ENTPD1: variants seen among roughly 807,000 people sequenced by gnomAD.
ENTPD1 encodes the protein ectonucleoside triphosphate diphosphohydrolase 1.
ENTPD1 carries 33 observed loss-of-function variants against 57.0 expected under a neutral mutation model. The observed-to-expected ratio is 0.58, with a 90% CI of 0.44 to 0.77. The LOEUF (loss-of-function observed/expected upper bound fraction) is 0.77. Ranked by LOEUF, ENTPD1 falls within the 30% of genes least tolerant of loss-of-function variation. The pLI, the probability that ENTPD1 is intolerant of heterozygous loss-of-function variation, is 0.00. For synonymous variants in ENTPD1, 202 were observed against 218.8 expected, an observed-to-expected ratio of 0.92 and a Z score of 0.68; for missense variants, 501 against 603.4, an observed-to-expected ratio of 0.83 and a Z score of 1.78.
At position 95,871,456 on chromosome 10, in the gene ENTPD1, T is replaced by C; in HGVS notation, c.*5073T>C. The stretch of plus-strand genomic sequence containing the variant: ...TGTCCTAGGAAACCATACATCTATG[T>C]ATTTTTCTTATTTTATACGTTTAGG... On this transcript the variant is annotated 3_prime_UTR_variant, in exon 10 of 10. Coordinates refer to ENST00000371205, the MANE Select transcript of ENTPD1 (RefSeq NM_001776.6). 1.0e-6 allele frequency: 1 copy of C among 985,456 alleles called. No homozygotes were observed. The allele number at this position is 985,456 out of a possible 1,614,324, so 61.0% of individuals were successfully genotyped here.
intron 1 of ENTPD1, among the ~76,000 whole-genome samples, chr10:95,717,978 G>A (rs2097973461): frequency 1.3e-5 from 2 of 152,278 alleles, no homozygotes; most frequent in South Asian, 4.1e-4. Flanking sequence ...AAACATACAG[G>A]GATTGAAATG....
At chr10:95,826,194 C>G (rs2098375675) in intron 2 of ENTPD1, among the ~76,000 whole-genome samples, 1 of 151,972 alleles carries the variant, frequency 6.6e-6, no homozygotes, top group Non-Finnish European at 1.5e-5. Flanking sequence ...GTTTTGGGGC[C>G]AGGCAAGTCT....
chr10:95,739,525 G>T (rs929318032), intron 1 of ENTPD1, among the ~76,000 whole-genome samples: 2 of 152,138 alleles, frequency 1.3e-5, no homozygotes, highest in African/African-American at 2.4e-5. Context: ...GTCCTCATCT[G>T]CTCCATTTGT....
rs949911430 is a variant in ENTPD1, at chr10:95,871,182, A to G, written c.*4799A>G. The stretch of plus-strand genomic sequence containing the variant: ...ATGGCAAAGTCATATGGCCAAGGCC[A>G]TGAGTGATTAATTTTAACACAGGAA... On this transcript the variant is annotated 3_prime_UTR_variant, in exon 10 of 10. Coordinates refer to ENST00000371205, the MANE Select transcript of ENTPD1 (RefSeq NM_001776.6). 1.0e-6 allele frequency: 1 copy of G among 985,396 alleles called. No homozygotes were observed. The highest frequency in any genetic ancestry group is 1.7e-5 in the African/African-American group (1 of 57,268). The allele number at this position is 985,396 out of a possible 1,614,324, so 61.0% of individuals were successfully genotyped here. A position where few individuals can be genotyped will look rare whatever the true frequency, so the allele number is the denominator to read the frequency against.
At chr10:95,835,715 A>T (rs1007396006) in intron 2 of ENTPD1, among the ~76,000 whole-genome samples, 7 of 152,102 alleles carry the variant, frequency 4.6e-5, no homozygotes, top group African/African-American at 1.7e-4. Context: ...TCAAAAGTGT[A>T]TTGGCCACTT....
chr10:95,790,564 T>A (rs529237335), intron 1 of ENTPD1, among the ~76,000 whole-genome samples: 19 of 152,334 alleles, frequency 1.2e-4, no homozygotes, highest in Non-Finnish European at 1.9e-4. Context: ...TAAACCACTG[T>A]ATACTTATTA....
Position 95,781,727 on chromosome 10 carries a change from C to T in ENTPD1, c.16+25472C>T, listed in dbSNP as rs181065486. Among the ~76,000 whole-genome samples the T allele has an allele frequency of 2.2e-3, 330 of 152,280 alleles. 1 individual carries two copies. Among genetic ancestry groups the T allele is most frequent in the African/African-American group, 7.5e-3 (311 of 41,558 alleles). On this transcript the variant is annotated intron_variant, in intron 1 of 9. Coordinates refer to ENST00000371205, the MANE Select transcript of ENTPD1 (RefSeq NM_001776.6). ...ACCTTGGTAGCCAGACCAAAGTTCA[C>T]GACTGTGTTATATACTCTGAAATGG...
At chr10:95,826,064 T>C (rs911370048) in intron 2 of ENTPD1, among the ~76,000 whole-genome samples, 1 of 152,230 alleles carries the variant, frequency 6.6e-6, no homozygotes, top group African/African-American at 2.4e-5. Context: ...TGTTAGGCAC[T>C]GGGCTACACA....
chr10:95,741,557 C>T (rs1013463152), intron 1 of ENTPD1, among the ~76,000 whole-genome samples: 11 of 152,272 alleles, frequency 7.2e-5, no homozygotes, highest in Admixed American at 6.5e-4. Flanking sequence ...AATGCAGGGT[C>T]GCTACAAACC....
chr10:95,808,599 G>T (rs983010514), intron 1 of ENTPD1, among the ~76,000 whole-genome samples: 1 of 152,134 alleles, frequency 6.6e-6, no homozygotes, highest in Non-Finnish European at 1.5e-5. Context: ...TCTTAGAGGA[G>T]GCATTCTTCA....
chr10:95,849,758 C>G (rs1211020800), intron 7 of ENTPD1, among the ~76,000 whole-genome samples: 1 of 152,230 alleles, frequency 6.6e-6, no homozygotes, highest in Non-Finnish European at 1.5e-5. Flanking sequence ...AACCCAAATT[C>G]AGAAGAAACT....
chr10:95,758,016 AAAAAAAAAAAAAAAG>A (rs1389044636), intron 1 of ENTPD1, among the ~76,000 whole-genome samples: 1 of 142,668 alleles, frequency 7.0e-6, no homozygotes, highest in Non-Finnish European at 1.5e-5. Context: ...AAAAAAAAAA[AAAAAAAAAAAAAAAG>A]ATTTGGACTG....
chr10:95,827,289 TAA>T (rs1242276049), intron 2 of ENTPD1, among the ~76,000 whole-genome samples: 1 of 151,756 alleles, frequency 6.6e-6, no homozygotes, highest in Non-Finnish European at 1.5e-5. Context: ...CCGTCTCTAC[TAA>T]AAATACAAAA....
chr10:95,801,750 G>A (rs560116695), intron 1 of ENTPD1, among the ~76,000 whole-genome samples: 26 of 152,058 alleles, frequency 1.7e-4, no homozygotes, highest in Non-Finnish European at 2.2e-4. Flanking sequence ...TATAGTTTGA[G>A]GTCAGATAGC....
At chr10:95,772,074 G>C (rs2098117615) in intron 1 of ENTPD1, among the ~76,000 whole-genome samples, 1 of 152,122 alleles carries the variant, frequency 6.6e-6, no homozygotes, top group Admixed American at 6.6e-5. Context: ...TTAAAAAAAT[G>C]CACCTTAATT....
chr10:95,743,670 A>G (rs1028506602), intron 1 of ENTPD1, among the ~76,000 whole-genome samples: 1 of 152,046 alleles, frequency 6.6e-6, no homozygotes, highest in Non-Finnish European at 1.5e-5. Flanking sequence ...ATCTTTGAAT[A>G]TGGTTCTATT....
chr10:95,707,688 TCCA>T (rs1401576881), upstream of ENTPD1, among the ~76,000 whole-genome samples: 1 of 152,204 alleles, frequency 6.6e-6, no homozygotes, highest in East Asian at 1.9e-4. Context: ...CACTGCAACC[TCCA>T]CTTCCTGCCT....
At chr10:95,804,002 C>T (rs1215102280) in intron 1 of ENTPD1, among the ~76,000 whole-genome samples, 1 of 152,158 alleles carries the variant, frequency 6.6e-6, no homozygotes, top group Admixed American at 6.5e-5. Flanking sequence ...TGTCAAAGAT[C>T]AGGTGATTGT....
At position 95,870,271 on chromosome 10, in the gene ENTPD1, T is replaced by C. The variant is rs2098478979; in HGVS notation, c.*3888T>C. 1 of 984,924 alleles carries C rather than the reference T, an allele frequency of 1.0e-6. No individual in the cohort carries two copies. The allele number at this position is 984,924 out of a possible 1,614,324, so 61.0% of individuals were successfully genotyped here. ...TTACATTCCATACTCAAAATGTAAA[T>C]TTGAATATTAAAATAAAGATGATTT... On this transcript the variant is annotated 3_prime_UTR_variant, in exon 10 of 10. Coordinates refer to ENST00000371205, the MANE Select transcript of ENTPD1 (RefSeq NM_001776.6).
Sources: allele counts gnomAD v4.1 joint callset (sites outside exome capture counted in the v4.1 genomes callset), GRCh38; gene constraint gnomAD v4.1.1; transcripts MANE v1.5; gene names NCBI Gene and HGNC (gene_info 2026-07-23, HGNC 2026-07-21).